The following TCF4 variants were observed in gnomAD, a reference collection of about 807,000 sequenced individuals.
The protein encoded by TCF4 is SL3-3 enhancer factor 2.
Under a neutral mutation model 82.1 loss-of-function variants are expected in TCF4, and 3 were observed. The observed-to-expected ratio is 0.04, with a 90% CI of 0.02 to 0.09. TCF4 has a LOEUF of 0.09. Among genes scored for constraint, TCF4 ranks in the 10% least tolerant of loss-of-function variants. The probability of loss-of-function intolerance (pLI) is 1.00; values close to 1 mark genes in which losing one functional copy is unlikely to be tolerated. For synonymous variants in TCF4, 276 were observed against 309.6 expected, an observed-to-expected ratio of 0.89 and a Z score of 1.14; for missense variants, 518 against 852.7, an observed-to-expected ratio of 0.61 and a Z score of 4.89.
rs139350753 is a variant in TCF4 at position 55,513,263 on chromosome 18, T to C, written c.146-49126A>G. Among the ~76,000 whole-genome samples the C allele has an allele frequency of 5.3e-5, 8 of 152,222 alleles. No individual in the cohort carries two copies. The East Asian group carries it at 1.5e-3, about 29-fold the overall frequency. ...TGCATAATTCCCATGGGTTCTTTAT[T>C]CTCACTGGACAAAACCTCTCTGAGA... On this transcript the variant is annotated intron_variant, in intron 3 of 19. Coordinates refer to ENST00000354452, the MANE Select transcript of TCF4 (RefSeq NM_001083962.2).
At chr18:55,598,428 C>A (rs1415389983) in intron 2 of TCF4, among the ~76,000 whole-genome samples, 3 of 152,068 alleles carry the variant, frequency 2.0e-5, no homozygotes, top group Non-Finnish European at 4.4e-5. Flanking sequence ...GGGATACATG[C>A]ACAGAACGCG....
intron 3 of TCF4, among the ~76,000 whole-genome samples, chr18:55,555,731 A>G (rs1326633239): frequency 6.6e-6 from 1 of 152,236 alleles, no homozygotes; most frequent in Non-Finnish European, 1.5e-5. Flanking sequence ...TTCCTTCTCA[A>G]TATGTTATAT....
intron 3 of TCF4, chr18:55,482,305 C>G (rs779740972): frequency 3.9e-5 from 6 of 152,148 alleles, no homozygotes; most frequent in Non-Finnish European, 8.8e-5. Context: ...TTGGGACCAT[C>G]ATGGAACAAT....
At chr18:55,557,143 T>C (rs1372911634) in intron 3 of TCF4, among the ~76,000 whole-genome samples, 2 of 152,238 alleles carry the variant, frequency 1.3e-5, no homozygotes, top group African/African-American at 2.4e-5. Flanking sequence ...TTTTCTTCCA[T>C]GAAGTATGGC....
intron 3 of TCF4, among the ~76,000 whole-genome samples, chr18:55,571,152 T>G (rs528611122): frequency 6.6e-6 from 1 of 151,914 alleles, no homozygotes; most frequent in Non-Finnish European, 1.5e-5. Context: ...AAGTTTGTAG[T>G]TCCAAAAAAG....
At chr18:55,393,898 A>T (rs1182494650) in intron 6 of TCF4, among the ~76,000 whole-genome samples, 11 of 152,192 alleles carry the variant, frequency 7.2e-5, no homozygotes. Context: ...TTGAGGCAGG[A>T]GTTATTTAAT....
rs1000440556 is a variant in TCF4 at position 55,346,171 on chromosome 18, T to C, written c.549+4188A>G. Among the ~76,000 whole-genome samples, 4 of 152,276 alleles carry C rather than the reference T, an allele frequency of 2.6e-5. No homozygotes were observed. In the East Asian group the frequency reaches 7.7e-4, roughly 29 times the overall value. Reference sequence around the variant, plus strand: ...TCATTTTTCTTGATACCCCTAATAATTGCTTCTGTAAAGGAAACTCTAATC... The same window carrying C: ...TCATTTTTCTTGATACCCCTAATAACTGCTTCTGTAAAGGAAACTCTAATC... On this transcript the variant is annotated intron_variant, in intron 8 of 19. Transcript: ENST00000354452.
At chr18:55,309,906 T>C (rs1034851335) in intron 8 of TCF4, among the ~76,000 whole-genome samples, 8 of 152,212 alleles carry the variant, frequency 5.3e-5, no homozygotes, top group Admixed American at 2.6e-4. Context: ...AGGAAATTCA[T>C]GATTTAAAAA....
intron 3 of TCF4, among the ~76,000 whole-genome samples, chr18:55,559,173 T>C (rs550083175): frequency 6.7e-6 from 1 of 148,284 alleles, no homozygotes; most frequent in African/African-American, 2.5e-5. Context: ...AAAAAAGTAA[T>C]TGTAAGTTAG....
At chr18:55,424,842 C>G (rs2094915448) in intron 5 of TCF4, among the ~76,000 whole-genome samples, 1 of 152,048 alleles carries the variant, frequency 6.6e-6, no homozygotes, top group South Asian at 2.1e-4. Context: ...GATACTTTCC[C>G]CAGCTTTAGG....
At chr18:55,351,495 A>C (rs760506887) in intron 6 of TCF4, among the ~76,000 whole-genome samples, 6 of 152,172 alleles carry the variant, frequency 3.9e-5, no homozygotes, top group South Asian at 2.1e-4. Flanking sequence ...CCACGAACTG[A>C]CATAGCACCC....
chr18:55,271,768 C>T (rs1280489669), intron 10 of TCF4, among the ~76,000 whole-genome samples: 3 of 151,986 alleles, frequency 2.0e-5, no homozygotes, highest in African/African-American at 7.3e-5. Context: ...ATATAGTGGG[C>T]CCATTCCATA....
At chr18:55,467,978 C>T (rs1282593925) in intron 3 of TCF4, among the ~76,000 whole-genome samples, 2 of 152,112 alleles carry the variant, frequency 1.3e-5, no homozygotes, top group African/African-American at 4.8e-5. Context: ...AGAGCTTGGA[C>T]ACAAAAGGAG....
At chr18:55,433,677 A>C (rs2095259451) in intron 5 of TCF4, among the ~76,000 whole-genome samples, 1 of 152,268 alleles carries the variant, frequency 6.6e-6, no homozygotes, top group South Asian at 2.1e-4. Context: ...TGATGACAGC[A>C]ATGTCTATGC....
intron 3 of TCF4, among the ~76,000 whole-genome samples, chr18:55,469,221 T>G (rs1250118361): frequency 6.6e-6 from 1 of 152,106 alleles, no homozygotes; most frequent in African/African-American, 2.4e-5. Flanking sequence ...CCCAGCACTT[T>G]GAGATGCCGA....
At chr18:55,445,754 C>T (rs2095514837) in intron 5 of TCF4, among the ~76,000 whole-genome samples, 1 of 152,186 alleles carries the variant, frequency 6.6e-6, no homozygotes, top group Admixed American at 6.5e-5. Flanking sequence ...TTACGTCTTC[C>T]AGCTCCCAAG....
At chr18:55,307,998 A>G (rs1354584927) in intron 8 of TCF4, among the ~76,000 whole-genome samples, 3 of 152,222 alleles carry the variant, frequency 2.0e-5, no homozygotes, top group Admixed American at 6.5e-5. Flanking sequence ...TATCACTGAA[A>G]AGTAATTAAT....
At chr18:55,417,139 AT>A (rs1022664599) in intron 5 of TCF4, among the ~76,000 whole-genome samples, 5 of 152,074 alleles carry the variant, frequency 3.3e-5, no homozygotes, top group Non-Finnish European at 5.9e-5. Flanking sequence ...AGAATTACTT[AT>A]TTTTTTTATC....
chr18:55,370,419 T>A (rs978396672), intron 6 of TCF4, among the ~76,000 whole-genome samples: 1 of 147,770 alleles, frequency 6.8e-6, no homozygotes, highest in African/African-American at 2.5e-5. Context: ...TGTAGATAGA[T>A]AGACAGATGA....
Sources: allele counts gnomAD v4.1 joint callset (sites outside exome capture counted in the v4.1 genomes callset), GRCh38; gene constraint gnomAD v4.1.1; transcripts MANE v1.5; gene names NCBI Gene and HGNC (gene_info 2026-07-23, HGNC 2026-07-21).